Variants in TRIM44 observed in about 807,000 individuals in gnomAD.
TRIM44 encodes tripartite motif-containing protein 44.
In TRIM44, 13 loss-of-function variants were observed where a neutral mutation model predicts 37.4. The ratio of observed to expected loss-of-function variants is 0.35; its 90% CI spans 0.23 to 0.55. The LOEUF (loss-of-function observed/expected upper bound fraction) is 0.55, where lower values mean the gene tolerates loss of function less well. TRIM44 is among the 20% of genes least tolerant of loss of function. TRIM44 has a pLI of 0.89. For missense variants in TRIM44, 426 were observed against 437.2 expected (o/e 0.97, Z 0.23); for synonymous variants, 175 against 157.2 (o/e 1.11, Z -0.85).
At chr11:35,756,656 T>C (rs1246016366) in intron 4 of TRIM44, among the ~76,000 whole-genome samples, 3 of 152,186 alleles carry the variant, frequency 2.0e-5, no homozygotes, top group Non-Finnish European at 4.4e-5. Flanking sequence ...CATAGATAGC[T>C]CTTATTATTT....
chr11:35,776,877 A>G (rs1326631437), intron 4 of TRIM44, among the ~76,000 whole-genome samples: 1 of 152,186 alleles, frequency 6.6e-6, no homozygotes, highest in East Asian at 1.9e-4. Context: ...ACTTCCACCT[A>G]TGTGGTCAAT....
intron 4 of TRIM44, among the ~76,000 whole-genome samples, chr11:35,743,829 A>T (rs1345084028): frequency 6.6e-6 from 1 of 152,220 alleles, no homozygotes; most frequent in African/African-American, 2.4e-5. Context: ...TACCATGTCC[A>T]TGATACCTTG....
chr11:35,776,251 T>C (rs1281670782), intron 4 of TRIM44, among the ~76,000 whole-genome samples: 1 of 152,016 alleles, frequency 6.6e-6, no homozygotes, highest in African/African-American at 2.4e-5. Flanking sequence ...TTGCGTGGAG[T>C]TGTTTATAGT....
At chr11:35,688,934 A>C (rs1284885041) in intron 2 of TRIM44, among the ~76,000 whole-genome samples, 1 of 152,146 alleles carries the variant, frequency 6.6e-6, no homozygotes, top group African/African-American at 2.4e-5. Flanking sequence ...ACTTCTTTGA[A>C]CAAGTAGAAG....
chr11:35,702,077 G>A (rs888750598), intron 2 of TRIM44, among the ~76,000 whole-genome samples: 1 of 152,134 alleles, frequency 6.6e-6, no homozygotes, highest in Non-Finnish European at 1.5e-5. Context: ...GTTATATGGG[G>A]TAACCCAGTC....
In TRIM44 at chr11:35,808,207, T is replaced by TAAAAAAAAAAAA. The variant is rs71457390; in HGVS notation, c.*1829_*1840dup. ...TGGGGCTGAGGGGAGTTTGAGGTGT[T>TAAAAAAAAAAAA]AAAAAAAAAAAAAAAAAAGCATTTT... On this transcript the variant is annotated 3_prime_UTR_variant, in exon 5 of 5. Coordinates refer to ENST00000299413, the MANE Select transcript of TRIM44 (RefSeq NM_017583.6). The TAAAAAAAAAAAA allele has an allele frequency of 1.1e-5, 1 of 87,972 alleles. No homozygotes were observed. The highest frequency in any genetic ancestry group is 2.1e-5 in the Non-Finnish European group (1 of 47,352). 5.4% of individuals were successfully genotyped at this position (87,972 alleles called of 1,614,324 possible).
At chr11:35,757,710 A>G (rs930887688) in intron 4 of TRIM44, among the ~76,000 whole-genome samples, 10 of 152,168 alleles carry the variant, frequency 6.6e-5, no homozygotes, top group African/African-American at 1.7e-4. Context: ...CTTTGTTCTC[A>G]TTGGTTTCAA....
At chr11:35,745,889 T>C (rs1178588088) in intron 4 of TRIM44, among the ~76,000 whole-genome samples, 1 of 151,996 alleles carries the variant, frequency 6.6e-6, no homozygotes, top group African/African-American at 2.4e-5. Context: ...CCACACACAG[T>C]GGCCCGGACT....
At chr11:35,669,952 G>GT (rs1202922234) in intron 1 of TRIM44, among the ~76,000 whole-genome samples, 1 of 151,950 alleles carries the variant, frequency 6.6e-6, no homozygotes, top group African/African-American at 2.4e-5. Context: ...CTCCCAAGTA[G>GT]TAGGGACTAC....
intron 4 of TRIM44, among the ~76,000 whole-genome samples, chr11:35,794,547 G>A (rs1415186321): frequency 6.6e-6 from 1 of 152,208 alleles, no homozygotes; most frequent in Non-Finnish European, 1.5e-5. Context: ...TTCCAGTAAG[G>A]CTTACTTGTT....
At chr11:35,803,743 A>G (rs919201936) in intron 4 of TRIM44, among the ~76,000 whole-genome samples, 3 of 152,148 alleles carry the variant, frequency 2.0e-5, no homozygotes, top group Non-Finnish European at 2.9e-5. Context: ...ATAAAATGAG[A>G]TAACCTCATG....
At chr11:35,742,082 A>G (rs946078657) in intron 4 of TRIM44, among the ~76,000 whole-genome samples, 4 of 151,912 alleles carry the variant, frequency 2.6e-5, no homozygotes, top group African/African-American at 9.7e-5. Flanking sequence ...AGCTGGGACA[A>G]TAGGTTCATG....
intron 4 of TRIM44, among the ~76,000 whole-genome samples, chr11:35,785,705 C>G (rs759704620): frequency 1.1e-4 from 16 of 152,206 alleles, no homozygotes; most frequent in Non-Finnish European, 2.4e-4. Context: ...AGGAGCTGCC[C>G]ATCTTAAGAG....
chr11:35,734,674 A>G (rs549444635), intron 3 of TRIM44, among the ~76,000 whole-genome samples: 2 of 152,230 alleles, frequency 1.3e-5, no homozygotes, highest in Non-Finnish European at 2.9e-5. Flanking sequence ...CACAGAAGGA[A>G]GCTCAAAGGA....
At chr11:35,703,784 A>G (rs1590523123) in intron 2 of TRIM44, among the ~76,000 whole-genome samples, 1 of 152,082 alleles carries the variant, frequency 6.6e-6, no homozygotes, top group Non-Finnish European at 1.5e-5. Context: ...TCAAAGACCA[A>G]AAGTAGATAA....
In TRIM44 at chr11:35,663,317, C is replaced by CG. The variant is rs1851294359; in HGVS notation, c.207dup (p.Pro70AlafsTer3). ...GTCCACGGCTCCCAGGCCTGGACCC[C>CG]GCCAGCTGACGGAGAGGGGGCGGGG... On this transcript the variant is annotated frameshift_variant, in exon 1 of 5. Transcript: ENST00000299413. LOFTEE classifies it high-confidence loss of function. The CG allele has an allele frequency of 6.2e-7, 1 of 1,613,820 alleles. No homozygotes were observed. Among genetic ancestry groups the CG allele is most frequent in the African/African-American group, 1.3e-5 (1 of 74,870 alleles).
chr11:35,743,729 A>C (rs928599288), intron 4 of TRIM44, among the ~76,000 whole-genome samples: 3 of 152,174 alleles, frequency 2.0e-5, no homozygotes, highest in Admixed American at 2.0e-4. Flanking sequence ...TGACCCACTA[A>C]AATGATTTCC....
At chr11:35,763,281 T>G (rs1852751876) in intron 4 of TRIM44, among the ~76,000 whole-genome samples, 1 of 151,794 alleles carries the variant, frequency 6.6e-6, no homozygotes, top group African/African-American at 2.4e-5. Flanking sequence ...CCCACTAGAT[T>G]AGAACATTAT....
chr11:35,780,415 C>T (rs1853047740), intron 4 of TRIM44, among the ~76,000 whole-genome samples: 1 of 152,160 alleles, frequency 6.6e-6, no homozygotes, highest in Non-Finnish European at 1.5e-5. Context: ...TATACAGCAG[C>T]TTGAGATTAT....
Sources: gnomAD v4.1 joint callset for allele counts (sites outside exome capture counted in the v4.1 genomes callset) on GRCh38, gnomAD v4.1.1 for gene constraint, MANE v1.5 for transcripts, NCBI Gene and HGNC (gene_info 2026-07-23, HGNC 2026-07-21) for gene names.